The following DCC variants were observed in gnomAD, a reference collection of about 807,000 sequenced individuals.
DCC encodes netrin receptor DCC.
Under a neutral mutation model 172.5 loss-of-function variants are expected in DCC, and 58 were observed. That is an observed-to-expected ratio of 0.34 (90% confidence interval 0.27 to 0.42). DCC has a LOEUF of 0.42. DCC is among the 10% of genes least tolerant of loss of function. The pLI is 1.00. For synonymous variants in DCC, 709 were observed against 644.5 expected (o/e 1.10, Z -1.52); for missense variants, 1,740 against 1,791.0 (o/e 0.97, Z 0.51).
intron 21 of DCC, among the ~76,000 whole-genome samples, chr18:53,424,658 C>T (rs183996400): frequency 3.9e-5 from 6 of 152,056 alleles, no homozygotes; most frequent in African/African-American, 1.4e-4. Context: ...AGTAGCTGAT[C>T]CCTTATGTAG....
intron 1 of DCC, among the ~76,000 whole-genome samples, chr18:52,572,620 G>T (rs1363334626): frequency 5.3e-5 from 8 of 152,156 alleles, no homozygotes; most frequent in South Asian, 2.1e-4. Flanking sequence ...GCGTGCTAAG[G>T]GGGAGAGGGA....
intron 5 of DCC, among the ~76,000 whole-genome samples, chr18:53,060,014 T>C (rs560863794): frequency 1.2e-4 from 18 of 152,210 alleles, no homozygotes; most frequent in African/African-American, 4.3e-4. Context: ...GACTCATTTT[T>C]TTTTTTTAAG....
intron 8 of DCC, among the ~76,000 whole-genome samples, chr18:53,159,313 C>A (rs1054517275): frequency 6.6e-6 from 1 of 152,088 alleles, no homozygotes; most frequent in Admixed American, 6.6e-5. Flanking sequence ...TCTTCCATCC[C>A]CGTTGACCAA....
chr18:52,384,714 A>T (rs1300271447), intron 1 of DCC, among the ~76,000 whole-genome samples: 1 of 152,134 alleles, frequency 6.6e-6, no homozygotes, highest in Non-Finnish European at 1.5e-5. Context: ...TCAGAAATGG[A>T]CTTTGTTTCA....
intron 1 of DCC, among the ~76,000 whole-genome samples, chr18:52,629,722 G>A (rs1313617219): frequency 6.6e-6 from 1 of 151,858 alleles, no homozygotes; most frequent in African/African-American, 2.4e-5. Context: ...AGGCCGAGGC[G>A]GGCAGATCAC....
intron 5 of DCC, among the ~76,000 whole-genome samples, chr18:53,046,844 A>G (rs1388727881): frequency 1.3e-5 from 2 of 151,906 alleles, no homozygotes; most frequent in Non-Finnish European, 2.9e-5. Flanking sequence ...AATCCAGGAC[A>G]GTTCAGTGAC....
At chr18:53,057,208 G>A (rs1293198992) in intron 5 of DCC, among the ~76,000 whole-genome samples, 2 of 151,486 alleles carry the variant, frequency 1.3e-5, no homozygotes, top group Non-Finnish European at 2.9e-5. Flanking sequence ...GACTTTGTTT[G>A]GAGCTCAAAT....
intron 7 of DCC, among the ~76,000 whole-genome samples, chr18:53,091,205 A>T (rs866745434): frequency 2.2e-4 from 33 of 151,934 alleles, no homozygotes; most frequent in Admixed American, 6.6e-4. Flanking sequence ...CTTAGAACTC[A>T]TATAGGCATT....
At chr18:53,059,441 T>C (rs1265859987) in intron 5 of DCC, among the ~76,000 whole-genome samples, 1 of 152,150 alleles carries the variant, frequency 6.6e-6, no homozygotes, top group Non-Finnish European at 1.5e-5. Flanking sequence ...AAGTAAGCAG[T>C]AATTTGGTCA....
intron 7 of DCC, among the ~76,000 whole-genome samples, chr18:53,117,964 G>A (rs1414724107): frequency 2.0e-5 from 3 of 151,734 alleles, no homozygotes; most frequent in African/African-American, 7.2e-5. Context: ...AAAACAGGCA[G>A]CCAGATGGAT....
chr18:53,326,489 T>C (rs1467381579), intron 14 of DCC, among the ~76,000 whole-genome samples: 1 of 152,186 alleles, frequency 6.6e-6, no homozygotes, highest in East Asian at 1.9e-4. Flanking sequence ...CTTCTTTTGA[T>C]TGCACCATTC....
intron 15 of DCC, among the ~76,000 whole-genome samples, chr18:53,382,385 T>C (rs1183019777): frequency 6.6e-6 from 1 of 152,122 alleles, no homozygotes; most frequent in Admixed American, 6.5e-5. Context: ...TACCTAATTG[T>C]ATTTTCACCA....
intron 1 of DCC, among the ~76,000 whole-genome samples, chr18:52,700,697 A>C (rs1049515684): frequency 1.3e-5 from 2 of 152,218 alleles, no homozygotes; most frequent in Non-Finnish European, 2.9e-5. Context: ...CTCTTACATG[A>C]GATTACTGAG....
chr18:53,171,666 T>C (rs538251355), intron 8 of DCC, among the ~76,000 whole-genome samples: 1 of 152,298 alleles, frequency 6.6e-6, no homozygotes, highest in South Asian at 2.1e-4. Flanking sequence ...TACCTGGACA[T>C]GTCCAGATTT....
intron 24 of DCC, among the ~76,000 whole-genome samples, chr18:53,464,951 C>T (rs62098320): frequency 0.45 from 64,479 of 141,782 alleles, 16,120 homozygotes; most frequent in Non-Finnish European, 0.58. Flanking sequence ...TGCACTCCAG[C>T]CTGGGCGACA....
intron 5 of DCC, among the ~76,000 whole-genome samples, chr18:53,062,977 A>T (rs57641235): frequency 6.6e-6 from 1 of 151,856 alleles, no homozygotes; most frequent in Non-Finnish European, 1.5e-5. Flanking sequence ...CCAAAGACTT[A>T]TGTACTTTTC....
intron 2 of DCC, among the ~76,000 whole-genome samples, chr18:52,790,342 C>T (rs1020634671): frequency 2.0e-5 from 3 of 152,180 alleles, no homozygotes; most frequent in African/African-American, 4.8e-5. Flanking sequence ...CAGCTTAAGA[C>T]TAACCTCACA....
At chr18:53,141,133 T>C (rs1474065241) in intron 7 of DCC, among the ~76,000 whole-genome samples, 8 of 152,184 alleles carry the variant, frequency 5.3e-5, no homozygotes, top group Admixed American at 5.2e-4. Context: ...ACCATACTCA[T>C]TGATTATTGA....
intron 2 of DCC, among the ~76,000 whole-genome samples, chr18:52,880,885 G>T (rs1370231207): frequency 6.6e-6 from 1 of 152,136 alleles, no homozygotes; most frequent in African/African-American, 2.4e-5. Context: ...GCAGTAGTGG[G>T]ATTACTGGAT....
Sources: gnomAD v4.1 joint callset for allele counts (sites outside exome capture counted in the v4.1 genomes callset) on GRCh38, gnomAD v4.1.1 for gene constraint, MANE v1.5 for transcripts, NCBI Gene and HGNC (gene_info 2026-07-23, HGNC 2026-07-21) for gene names.